Variants in GSDME observed in about 807,000 individuals in gnomAD.
GSDME encodes the protein gasdermin-E.
Under a neutral mutation model 47.5 loss-of-function variants are expected in GSDME, and 44 were observed. The observed-to-expected ratio is 0.93, with a 90% confidence interval of 0.73 to 1.19. The LOEUF (loss-of-function observed/expected upper bound fraction) is 1.19, where lower values mean the gene tolerates loss of function less well. Ranked by LOEUF, GSDME falls within the 50% of genes most tolerant of loss-of-function variation. The pLI, the probability that GSDME is intolerant of heterozygous loss-of-function variation, is 0.00. For missense variants in GSDME, 663 were observed against 604.2 expected (o/e 1.10, Z -1.02); for synonymous variants, 258 against 252.8 (o/e 1.02, Z -0.20).
the GSDME span, among the ~76,000 whole-genome samples, chr7:24,789,282 G>A: frequency 2.0e-5 from 3 of 149,342 alleles, no homozygotes; most frequent in South Asian, 2.2e-4. Flanking sequence ...ACACACACAC[G>A]CCTGTGAATG....
At chr7:24,723,063 G>T (rs1258563758) in intron 3 of GSDME, among the ~76,000 whole-genome samples, 1 of 152,216 alleles carries the variant, frequency 6.6e-6, no homozygotes, top group African/African-American at 2.4e-5. Context: ...GAAACTGCAG[G>T]CATCATCCAC....
At position 24,706,275 on chromosome 7, in the gene GSDME, C is replaced by T. The variant is rs1490889239; in HGVS notation, c.1092G>A (p.Gly364=). The part of the protein sequence containing the change: ...QDLVAFLQLV[G]CSLQGGCPGP... The stretch of plus-strand genomic sequence containing the variant: ...CCGGACACCCACCCTGTAAGCTGCA[C>T]CCCACCAGCTGCAGGAAGGCCACAA... Residue 364 remains glycine (G), a synonymous_variant, in exon 8 of 10, where the codon GGG becomes GGA. Transcript: ENST00000645220. 6.2e-7 allele frequency: 1 copy of T among 1,614,176 alleles called. No individual in the cohort carries two copies. The highest frequency in any genetic ancestry group is 8.5e-7 in the Non-Finnish European group (1 of 1,180,034).
At chr7:24,729,086 G>T (rs1193920377) in intron 3 of GSDME, among the ~76,000 whole-genome samples, 1 of 152,176 alleles carries the variant, frequency 6.6e-6, no homozygotes, top group East Asian at 1.9e-4. Context: ...AGGAAAAAAT[G>T]ACTGAGAACC....
chr7:24,727,509 A>G (rs1450929240), intron 3 of GSDME, among the ~76,000 whole-genome samples: 2 of 152,246 alleles, frequency 1.3e-5, no homozygotes, highest in Non-Finnish European at 2.9e-5. Context: ...TATTGATGAT[A>G]AAGGCTTTAG....
At chr7:24,707,252 G>GAAAAAC in intron 7 of GSDME, 1 of 466,392 alleles carries the variant, frequency 2.1e-6, no homozygotes, top group Admixed American at 2.4e-5. Flanking sequence ...TAATATAATA[G>GAAAAAC]AAAAACAAAA....
At chr7:24,753,196 G>T (rs544587772) in intron 1 of GSDME, among the ~76,000 whole-genome samples, 1 of 152,128 alleles carries the variant, frequency 6.6e-6, no homozygotes, top group South Asian at 2.1e-4. Context: ...ATACTTACAC[G>T]GTTCAAAAAT....
In GSDME at chr7:24,699,248, CAG is replaced by C; in HGVS notation, c.1267_1268del (p.Leu423ValfsTer2). On this transcript the variant is annotated frameshift_variant, in exon 10 of 10. Coordinates refer to ENST00000645220, the MANE Select transcript of GSDME (RefSeq NM_001127453.2). LOFTEE classifies it low-confidence loss of function (END_TRUNC). ...CAAGATCAGATACTCCATCATCAGA[CAG>C]AGCACGAAGCTGAAATGACACATTT... The part of the protein sequence containing the change: ...IPTLCHLLRA[L>X]SDDGVSDLED... 1 of 1,611,316 alleles carries C rather than the reference CAG, an allele frequency of 6.2e-7. No individual in the cohort carries two copies. Among genetic ancestry groups the C allele is most frequent in the East Asian group, 2.2e-5 (1 of 44,864 alleles).
intron 6 of GSDME, 74 bp downstream of exon 6, chr7:24,710,150 G>A (rs1428041856): frequency 2.0e-6 from 3 of 1,518,214 alleles, no homozygotes; most frequent in Non-Finnish European, 2.7e-6. Context: ...TGATGCTGAA[G>A]GCCACACCAC....
chr7:24,755,051 G>A (rs1790971813), intron 1 of GSDME, among the ~76,000 whole-genome samples: 1 of 152,194 alleles, frequency 6.6e-6, no homozygotes, highest in Non-Finnish European at 1.5e-5. Context: ...GGCAGTGTGA[G>A]GAAGCTGAGG....
At position 24,744,338 on chromosome 7, in the gene GSDME, T is replaced by G. The variant is rs982183746; in HGVS notation, c.404+224A>C. On this transcript the variant is annotated intron_variant, in intron 3 of 9. Coordinates refer to ENST00000645220, the MANE Select transcript of GSDME (RefSeq NM_001127453.2). This position sits in a 1 kb window ranked among gnomAD's most constrained non-coding sequence, Gnocchi z 4.5. ...AAGTACATATTTGCCTGAAGTAACA[T>G]CCTTTGAAAGTGCTTCCCAAGTCTC... 5 of 588,140 alleles carry G rather than the reference T, an allele frequency of 8.5e-6. No homozygotes were observed. The highest frequency in any genetic ancestry group is 3.0e-6 in the Non-Finnish European group (1 of 330,042). 36.4% of individuals were successfully genotyped at this position (588,140 alleles called of 1,614,324 possible). A position where few individuals can be genotyped will look rare whatever the true frequency, so the allele number is the denominator to read the frequency against.
At chr7:24,775,773 G>A in the GSDME span, among the ~76,000 whole-genome samples, 5 of 149,690 alleles carry the variant, frequency 3.3e-5, no homozygotes, top group African/African-American at 1.2e-4. Context: ...TAGTTGGGAG[G>A]CTGAGGTGGG....
intron 3 of GSDME, among the ~76,000 whole-genome samples, chr7:24,741,621 T>C (rs1018678265): frequency 2.0e-5 from 3 of 152,330 alleles, no homozygotes; most frequent in African/African-American, 7.2e-5. Flanking sequence ...AAATAACTTG[T>C]CTGCAGATGA....
At chr7:24,766,214 T>TGTGCGCGC in the GSDME span, among the ~76,000 whole-genome samples, 4 of 151,294 alleles carry the variant, frequency 2.6e-5, no homozygotes, top group African/African-American at 9.7e-5. The surrounding 1 kb of genome is among the most constrained non-coding windows in gnomAD (Gnocchi z 4.2). Flanking sequence ...TGTGTGTGTG[T>TGTGCGCGC]GCATGTTTGC....
rs1447647307 is a variant in GSDME, at chr7:24,710,935, AAC to A, written c.698-549_698-548del. Among the ~76,000 whole-genome samples, 18 of 152,374 alleles carry A rather than the reference AAC, an allele frequency of 1.2e-4. No individual in the cohort carries two copies. The East Asian group carries it at 3.5e-3, about 29-fold the overall frequency. ...CAAACATGTTGAGTGAAAAATGGCA[AAC>A]ACAAAAGAATACATTCTCTCTGAAT... is the stretch of plus-strand genomic sequence containing the variant. On this transcript the variant is annotated intron_variant, in intron 5 of 9. Transcript: ENST00000645220.
the GSDME span, among the ~76,000 whole-genome samples, chr7:24,785,479 T>G: frequency 6.6e-6 from 1 of 152,330 alleles, no homozygotes; most frequent in Admixed American, 6.5e-5. Context: ...TTTTTTGAGA[T>G]GGAGTCTTGC....
chr7:24,757,157 T>C lies in GSDME; in HGVS notation c.-20+239A>G, dbSNP rs912180953. On this transcript the variant is annotated intron_variant, in intron 1 of 9. Coordinates refer to ENST00000645220, the MANE Select transcript of GSDME (RefSeq NM_001127453.2). This position sits in a 1 kb window ranked among gnomAD's most constrained non-coding sequence, Gnocchi z 5.9. ...GACTGCGAGTTGGGGCGGGACGCGG[T>C]GATGGGAGGGGACCGGGCCGGGAAT... Among the ~76,000 whole-genome samples the C allele has an allele frequency of 2.0e-5, 3 of 150,166 alleles. No homozygotes were observed. Among genetic ancestry groups the C allele is most frequent in the African/African-American group, 7.4e-5 (3 of 40,692 alleles).
Position 24,748,168 on chromosome 7 carries a change from A to ATATT in GSDME, c.211+1395_211+1396insAATA, listed in dbSNP as rs1483888057. Among the ~76,000 whole-genome samples the ATATT allele has an allele frequency of 9.7e-4, 114 of 117,480 alleles. 1 individual carries two copies. Among genetic ancestry groups the ATATT allele is most frequent in the African/African-American group, 1.9e-3 (65 of 35,044 alleles). 77.1% of individuals were successfully genotyped at this position (117,480 alleles called of 152,430 possible). A position where few individuals can be genotyped will look rare whatever the true frequency, so the allele number is the denominator to read the frequency against. ...AGTATATATATATATATATATATATATTTTTTTTTGAGATGGAATCTCACT... is the reference window on the plus strand; with the variant it reads ...AGTATATATATATATATATATATATATATTTTTTTTTTTGAGATGGAATCTCACT... On this transcript the variant is annotated intron_variant, in intron 2 of 9. Coordinates refer to ENST00000645220, the MANE Select transcript of GSDME (RefSeq NM_001127453.2).
chr7:24,716,812 T>C lies in GSDME; in HGVS notation c.697+442A>G. On this transcript the variant is annotated intron_variant, in intron 5 of 9. Coordinates refer to ENST00000645220, the MANE Select transcript of GSDME (RefSeq NM_001127453.2). The surrounding 1 kb of genome is among the most constrained non-coding windows in gnomAD (Gnocchi z 4.5). Reference sequence around the variant, plus strand: ...CAGGCGCTTCATAGGCCTCATCTCATTAAATCTTCACACAGCCCTGTGAAG... The same window carrying C: ...CAGGCGCTTCATAGGCCTCATCTCACTAAATCTTCACACAGCCCTGTGAAG... The C allele has an allele frequency of 4.0e-6, 1 of 248,016 alleles. No homozygotes were observed. The highest frequency in any genetic ancestry group is 4.9e-5 in the Admixed American group (1 of 20,376). The allele number at this position is 248,016 out of a possible 1,614,324, so 15.4% of individuals were successfully genotyped here.
In GSDME at chr7:24,721,410, A is replaced by G. The variant is rs778723994; in HGVS notation, c.405-2192T>C. On this transcript the variant is annotated intron_variant, in intron 3 of 9. Transcript: ENST00000645220. This position sits in a 1 kb window ranked among gnomAD's most constrained non-coding sequence, Gnocchi z 4.1. ...ACTCCATTTCCAGGAAGGAACAGGA[A>G]ACAGGGACCCTGGAGCCTGCAGGGC... Among the ~76,000 whole-genome samples, 16 of 152,242 alleles carry G rather than the reference A, an allele frequency of 1.1e-4. No individual in the cohort carries two copies. Among genetic ancestry groups the G allele is most frequent in the Non-Finnish European group, 1.8e-4 (12 of 68,040 alleles).
Sources: allele counts gnomAD v4.1 joint callset (sites outside exome capture counted in the v4.1 genomes callset), GRCh38; gene constraint gnomAD v4.1.1; non-coding constraint Gnocchi (gnomAD v3.1); transcripts MANE v1.5; gene names NCBI Gene and HGNC (gene_info 2026-07-23, HGNC 2026-07-21).